NAV2: variants seen among roughly 807,000 people sequenced by gnomAD.
The protein encoded by NAV2 is helicase, APC down-regulated 1.
Under a neutral mutation model 223.2 loss-of-function variants are expected in NAV2, and 54 were observed. The ratio of observed to expected loss-of-function variants is 0.24; its 90% CI spans 0.19 to 0.30. The LOEUF is 0.30. Among genes scored for constraint, NAV2 ranks in the 10% least tolerant of loss-of-function variants. The pLI is 1.00. For missense variants in NAV2, 2,806 were observed against 3,147.5 expected, an observed-to-expected ratio of 0.89 and a Z score of 2.60; for synonymous variants, 1,279 against 1,239.3, an observed-to-expected ratio of 1.03 and a Z score of -0.67.
chr11:19,396,625 G>T (rs1049255434), intron 1 of NAV2, among the ~76,000 whole-genome samples: 9 of 152,144 alleles, frequency 5.9e-5, no homozygotes, highest in Admixed American at 2.0e-4. Flanking sequence ...TCAACAGTAC[G>T]CTGGTTCTCG....
rs138336786 is a variant in NAV2, at chr11:19,858,467, G to A, written c.439-10458G>A. On this transcript the variant is annotated intron_variant, in intron 3 of 37. Coordinates refer to ENST00000349880, the MANE Select transcript of NAV2 (RefSeq NM_145117.5). ...TCTGTATCCATTTATCCTTTGATGC[G>A]TTGCACACTTAGGTTATTTTCATAT... is the stretch of plus-strand genomic sequence containing the variant. Among the ~76,000 whole-genome samples the A allele has an allele frequency of 2.6e-3, 398 of 152,280 alleles. 1 individual carries two copies. Among genetic ancestry groups the A allele is most frequent in the Non-Finnish European group, 2.5e-3 (171 of 68,024 alleles).
At chr11:20,038,525 G>A (rs1468860984) in intron 12 of NAV2, among the ~76,000 whole-genome samples, 1 of 152,232 alleles carries the variant, frequency 6.6e-6, no homozygotes, top group Non-Finnish European at 1.5e-5. Flanking sequence ...ATTTGAATCA[G>A]CATAATTCAC....
intron 10 of NAV2, among the ~76,000 whole-genome samples, chr11:19,959,192 C>T (rs767284696): frequency 1.3e-5 from 2 of 152,138 alleles, no homozygotes; most frequent in Non-Finnish European, 1.5e-5. Context: ...TCTCAGGCCA[C>T]CCCCAGACCA....
chr11:19,629,519 TTTC>T (rs2047283938), intron 1 of NAV2, among the ~76,000 whole-genome samples: 1 of 147,680 alleles, frequency 6.8e-6, no homozygotes, highest in Non-Finnish European at 1.5e-5. Flanking sequence ...TCTTTGCCTC[TTTC>T]TTTTTTTCTC....
At chr11:19,762,651 G>T (rs1227975088) in intron 1 of NAV2, among the ~76,000 whole-genome samples, 3 of 123,210 alleles carry the variant, frequency 2.4e-5, no homozygotes, top group Admixed American at 1.0e-4. Context: ...ATCTCACTCT[G>T]TTACCAGGCT....
At chr11:19,845,276 A>G (rs185337104) in intron 3 of NAV2, among the ~76,000 whole-genome samples, 92 of 152,342 alleles carry the variant, frequency 6.0e-4, no homozygotes, top group Non-Finnish European at 1.1e-3. Flanking sequence ...TAACCTCCCA[A>G]TTAGACTTTA....
intron 4 of NAV2, among the ~76,000 whole-genome samples, chr11:19,876,890 T>G (rs985237230): frequency 1.3e-5 from 2 of 149,396 alleles, no homozygotes; most frequent in African/African-American, 4.9e-5. Flanking sequence ...GGATTTTACT[T>G]ATTTATTTAT....
chr11:19,370,664 T>C (rs1251596443), intron 1 of NAV2, among the ~76,000 whole-genome samples: 1 of 152,258 alleles, frequency 6.6e-6, no homozygotes, highest in African/African-American at 2.4e-5. Flanking sequence ...CCTAGGAATG[T>C]GCTCAGTCAG....
At chr11:19,756,487 C>T (rs2054242714) in intron 1 of NAV2, among the ~76,000 whole-genome samples, 1 of 152,174 alleles carries the variant, frequency 6.6e-6, no homozygotes, top group Non-Finnish European at 1.5e-5. Context: ...TGAAGGGTGA[C>T]TGAGGGAAAG....
chr11:19,470,287 AC>A (rs1824798842), intron 1 of NAV2, among the ~76,000 whole-genome samples: 1 of 152,230 alleles, frequency 6.6e-6, no homozygotes, highest in Non-Finnish European at 1.5e-5. Context: ...AGCAGGTGGA[AC>A]ACTGGAAAGG....
intron 1 of NAV2, among the ~76,000 whole-genome samples, chr11:19,735,252 T>A (rs948211416): frequency 6.6e-6 from 1 of 152,202 alleles, no homozygotes; most frequent in African/African-American, 2.4e-5. Flanking sequence ...GTGTTCCCAG[T>A]TGCAGGATGG....
intron 19 of NAV2, 60 bp downstream of exon 19, chr11:20,056,017 T>A: frequency 6.7e-7 from 1 of 1,489,554 alleles, no homozygotes; most frequent in South Asian, 1.2e-5. Flanking sequence ...TTACTCAGTG[T>A]AGTTAAGGGT....
At chr11:19,635,923 G>A (rs537589130) in intron 1 of NAV2, among the ~76,000 whole-genome samples, 3 of 152,168 alleles carry the variant, frequency 2.0e-5, no homozygotes, top group Admixed American at 1.3e-4. Flanking sequence ...GGAAGAGGGG[G>A]GTGTTAAAAG....
At chr11:19,977,175 G>A (rs2049837754) in intron 10 of NAV2, among the ~76,000 whole-genome samples, 1 of 152,220 alleles carries the variant, frequency 6.6e-6, no homozygotes, top group Non-Finnish European at 1.5e-5. Context: ...CCAAAGATGT[G>A]TGGGTCTGTC....
At chr11:19,791,060 G>T (rs1365585799) in intron 1 of NAV2, among the ~76,000 whole-genome samples, 1 of 152,180 alleles carries the variant, frequency 6.6e-6, no homozygotes, top group African/African-American at 2.4e-5. Context: ...CTAAGTCTCA[G>T]AAGGTGATAA....
chr11:19,502,036 C>T (rs951101087), intron 1 of NAV2, among the ~76,000 whole-genome samples: 1 of 152,144 alleles, frequency 6.6e-6, no homozygotes, highest in African/African-American at 2.4e-5. Flanking sequence ...AGAAATTACT[C>T]ATGGTGGAAG....
chr11:20,043,689 G>T (rs991024629), intron 12 of NAV2, among the ~76,000 whole-genome samples: 1 of 151,902 alleles, frequency 6.6e-6, no homozygotes, highest in African/African-American at 2.4e-5. Flanking sequence ...TGATCCTCCC[G>T]CCTCAGCCTC....
intron 1 of NAV2, among the ~76,000 whole-genome samples, chr11:19,689,514 C>G (rs766432871): frequency 6.6e-6 from 1 of 152,218 alleles, no homozygotes; most frequent in South Asian, 2.1e-4. Context: ...GCCAGGAGGA[C>G]GGTCCTCCCC....
intron 1 of NAV2, among the ~76,000 whole-genome samples, chr11:19,602,975 G>T (rs948421124): frequency 1.3e-5 from 2 of 152,120 alleles, no homozygotes; most frequent in African/African-American, 4.8e-5. Flanking sequence ...GGGAGGAAGG[G>T]CATTCTAAGT....
Sources: allele counts gnomAD v4.1 joint callset (sites outside exome capture counted in the v4.1 genomes callset), GRCh38; gene constraint gnomAD v4.1.1; transcripts MANE v1.5; gene names NCBI Gene and HGNC (gene_info 2026-07-23, HGNC 2026-07-21).